Variants in DAPK3 observed in about 807,000 individuals in gnomAD.
DAPK3 encodes death-associated protein kinase 3.
DAPK3 carries 24 observed loss-of-function variants against 30.6 expected under a neutral mutation model. That is an observed-to-expected ratio of 0.78 (90% CI 0.57 to 1.10). The LOEUF (loss-of-function observed/expected upper bound fraction) is 1.10, where lower values mean the gene tolerates loss of function less well. Ranked by LOEUF, DAPK3 falls within the 50% of genes least tolerant of loss-of-function variation. The probability of loss-of-function intolerance (pLI) is 0.00; values close to 1 mark genes in which losing one functional copy is unlikely to be tolerated. For missense variants in DAPK3, 629 were observed against 657.3 expected (o/e 0.96, Z 0.47); for synonymous variants, 341 against 284.0 (o/e 1.20, Z -2.02).
Position 3,959,575 on chromosome 19 carries a change from C to A in DAPK3, c.891G>T (p.Leu297=). 1 of 1,583,382 alleles carries A rather than the reference C, an allele frequency of 6.3e-7. No homozygotes were observed. Among genetic ancestry groups the A allele is most frequent in the Non-Finnish European group, 8.5e-7 (1 of 1,173,784 alleles). The change falls in exon 9 of 9, where the codon CTG becomes CTT. Residue 297 remains leucine (L), a synonymous_variant. Transcript: ENST00000545797. ...DSGRKPERRR[L]KTTRLKEYTI... is the part of the protein sequence containing the mutation. ...TGTACTCCTTCAGACGCGTGGTCTTCAGGCGCCGCCGCTCGGGCTTGCGGC... is the reference window on the plus strand; with the variant it reads ...TGTACTCCTTCAGACGCGTGGTCTTAAGGCGCCGCCGCTCGGGCTTGCGGC...
rs1467306740 is a variant in DAPK3 at position 3,964,741 on chromosome 19, G to A, written c.313C>T (p.Leu105=). Residue 105 remains leucine (L), a synonymous_variant, in exon 3 of 9, where the codon CTG becomes TTG. Coordinates refer to ENST00000545797, the MANE Select transcript of DAPK3 (RefSeq NM_001348.3). ...TCCGTCAGCGACTCCTTCTCCGCCAGGAAGTCAAAGAGCTCCCCGCCAGAG... is the reference window on the plus strand; with the variant it reads ...TCCGTCAGCGACTCCTTCTCCGCCAAGAAGTCAAAGAGCTCCCCGCCAGAG... ...LVSGGELFDF[L]AEKESLTEDE... is the part of the protein sequence containing the mutation. 1.2e-6 allele frequency: 2 copies of A among 1,612,768 alleles called. No homozygotes were observed. The highest frequency in any genetic ancestry group is 2.7e-5 in the African/African-American group (2 of 74,664).
At position 3,969,137 on chromosome 19, in the gene DAPK3, A is replaced by AT. The variant is rs879921986; in HGVS notation, c.62+536dup. Among the ~76,000 whole-genome samples, 237 of 146,220 alleles carry AT rather than the reference A, an allele frequency of 1.6e-3. 1 individual carries two copies. Among genetic ancestry groups the AT allele is most frequent in the East Asian group, 0.011 (57 of 5,014 alleles). On this transcript the variant is annotated intron_variant, in intron 2 of 8. Coordinates refer to ENST00000545797, the MANE Select transcript of DAPK3 (RefSeq NM_001348.3). ...CACAAAAGAGGATTAACACAGGGAG[A>AT]TTTTTTTTTTTTTAAATAAATGGGG...
In DAPK3 at chr19:3,964,799, G is replaced by A. The variant is rs1166043626; in HGVS notation, c.255C>T (p.Asn85=). 1 of 1,611,974 alleles carries A rather than the reference G, an allele frequency of 6.2e-7. No homozygotes were observed. The highest frequency in any genetic ancestry group is 8.5e-7 in the Non-Finnish European group (1 of 1,178,390). ...CCAGGATGAGGACCACGTCCGTCTT[G>A]TTCTCGAAGATGTCGTGCAGGGTGA... ...NIITLHDIFE[N]KTDVVLILEL... The change falls in exon 3 of 9, where the codon AAC becomes AAT. Residue 85 remains asparagine (N), a synonymous_variant. Transcript: ENST00000545797.
chr19:3,959,727 C>G, intron 8 of DAPK3, 90 bp from the exon 9 acceptor site: 1 of 1,375,532 alleles, frequency 7.3e-7, no homozygotes, highest in Non-Finnish European at 9.6e-7. Flanking sequence ...GGTTCAGGGG[C>G]TCATCCGGCA....
At chr19:3,968,875 C>T (rs1402451366) in intron 2 of DAPK3, among the ~76,000 whole-genome samples, 2 of 152,142 alleles carry the variant, frequency 1.3e-5, no homozygotes, top group African/African-American at 4.8e-5. Context: ...GGAGGCTCTA[C>T]AAAAGGAGGC....
intron 2 of DAPK3, among the ~76,000 whole-genome samples, chr19:3,969,134 G>T (rs766408018): frequency 4.6e-5 from 7 of 152,178 alleles, no homozygotes; most frequent in African/African-American, 1.7e-4. Context: ...TTAACACAGG[G>T]AGATTTTTTT....
chr19:3,965,974 A>G (rs2039573876), intron 2 of DAPK3, among the ~76,000 whole-genome samples: 1 of 152,106 alleles, frequency 6.6e-6, no homozygotes, highest in Non-Finnish European at 1.5e-5. Flanking sequence ...TTGTAGAGAC[A>G]GGGTCTTGCC....
chr19:3,959,148 C>T lies in DAPK3; in HGVS notation c.1318G>A (p.Ala440Thr), dbSNP rs746569597. Residue 440 changes from alanine (A) to threonine (T), a missense_variant, in exon 9 of 9, where the codon GCC becomes ACC. Ala to Thr is a moderately conservative substitution (Grantham distance 58, BLOSUM62 0). Transcript: ENST00000545797. The part of the protein sequence containing the change: ...EMRFVQDLVR[A>T]LEQEKLQGVE... ...CCCTGCAGCTTCTCCTGCTCCAGGG[C>T]GCGCACGAGGTCCTGCACGAAGCGC... The T allele has an allele frequency of 3.2e-6, 5 of 1,584,180 alleles. No individual in the cohort carries two copies. The highest frequency in any genetic ancestry group is 3.4e-5 in the Admixed American group (2 of 58,368).
chr19:3,965,100 C>A lies in DAPK3; in HGVS notation c.63-109G>T, dbSNP rs576279689. 1.4e-5 allele frequency: 9 copies of A among 649,722 alleles called. No homozygotes were observed. In the African/African-American group the frequency reaches 1.6e-4, roughly 12 times the overall value. The allele number at this position is 649,722 out of a possible 1,614,324, so 40.2% of individuals were successfully genotyped here. A position where few individuals can be genotyped will look rare whatever the true frequency, so the allele number is the denominator to read the frequency against. ...GCTCCTCTTGGGCGCGGCCCTGCACCAGGCACTTGAAGGACATGAGCTGGC... is the reference window on the plus strand; with the variant it reads ...GCTCCTCTTGGGCGCGGCCCTGCACAAGGCACTTGAAGGACATGAGCTGGC... On this transcript the variant is annotated intron_variant, in intron 2 of 8. Coordinates refer to ENST00000545797, the MANE Select transcript of DAPK3 (RefSeq NM_001348.3).
Position 3,964,707 on chromosome 19 carries a change from G to A in DAPK3, c.347C>T (p.Ala116Val). 6.2e-7 allele frequency: 1 copy of A among 1,612,322 alleles called. No homozygotes were observed. Among genetic ancestry groups the A allele is most frequent in the Non-Finnish European group, 8.5e-7 (1 of 1,179,272 alleles). The stretch of plus-strand genomic sequence containing the variant: ...CAGGATCTGCTTGAGGAACTGGGTG[G>A]CCTCGTCCTCCGTCAGCGACTCCTT... ...AEKESLTEDE[A>V]TQFLKQILDG... The change falls in exon 3 of 9, where the codon GCC becomes GTC. Residue 116 changes from alanine (A) to valine (V), a missense_variant. Physicochemically the swap from Ala to Val is moderately conservative, Grantham distance 64. Coordinates refer to ENST00000545797, the MANE Select transcript of DAPK3 (RefSeq NM_001348.3).
At position 3,961,178 on chromosome 19, in the gene DAPK3, G is replaced by C; in HGVS notation, c.630-17C>G. The C allele has an allele frequency of 6.2e-7, 1 of 1,603,998 alleles. No homozygotes were observed. On this transcript the variant is annotated splice_polypyrimidine_tract_variant and intron_variant, in intron 6 of 8. Coordinates refer to ENST00000545797, the MANE Select transcript of DAPK3 (RefSeq NM_001348.3). The stretch of plus-strand genomic sequence containing the variant: ...CCGCTCAGGCTGCGAGACAGGCGTG[G>C]GGGCTCAGTGGGGTCCTGGGCTCCC...
intron 6 of DAPK3, 62 bp downstream of exon 6, chr19:3,963,581 C>A: frequency 8.9e-7 from 1 of 1,117,992 alleles, no homozygotes. Context: ...ATGAGACACA[C>A]GGAGCCGGGG....
chr19:3,964,302 C>T lies in DAPK3; in HGVS notation c.495G>A (p.Ala165=), dbSNP rs777773890. The stretch of plus-strand genomic sequence containing the variant: ...ACTCGTTCCCCGCCTCGATCTTGTG[C>T]GCGATGCCGAAGTCGATGAGCTTGA... ...PRIKLIDFGI[A]HKIEAGNEFK... is the part of the protein sequence containing the mutation. Residue 165 remains alanine, a synonymous_variant, in exon 4 of 9, where the codon GCG becomes GCA. Transcript: ENST00000545797. The T allele has an allele frequency of 1.2e-5, 20 of 1,613,276 alleles. No individual in the cohort carries two copies. The highest frequency in any genetic ancestry group is 1.6e-5 in the Non-Finnish European group (19 of 1,179,258).
In DAPK3 at chr19:3,964,338, G is replaced by T; in HGVS notation, c.459C>A (p.Pro153=). Residue 153 remains proline (P), a synonymous_variant, in exon 4 of 9, where the codon CCC becomes CCA. Coordinates refer to ENST00000545797, the MANE Select transcript of DAPK3 (RefSeq NM_001348.3). ...AGTCGATGAGCTTGATTCGTGGGTTGGGCACGTTCTTGTCCAGCAGCATGA... is the reference window on the plus strand; with the variant it reads ...AGTCGATGAGCTTGATTCGTGGGTTTGGCACGTTCTTGTCCAGCAGCATGA... ...ENIMLLDKNV[P]NPRIKLIDFG... 1.2e-6 allele frequency: 2 copies of T among 1,613,150 alleles called. No homozygotes were observed. The highest frequency in any genetic ancestry group is 1.7e-6 in the Non-Finnish European group (2 of 1,179,146).
chr19:3,964,768 C>T lies in DAPK3; in HGVS notation c.286G>A (p.Val96Ile), dbSNP rs142199588. The T allele has an allele frequency of 6.2e-7, 1 of 1,612,458 alleles. No homozygotes were observed. Among genetic ancestry groups the T allele is most frequent in the Non-Finnish European group, 8.5e-7 (1 of 1,178,892 alleles). ...AAGTCAAAGAGCTCCCCGCCAGAGA[C>T]CAGCTCCAGGATGAGGACCACGTCC... Reference protein sequence around the residue: ...KTDVVLILELVSGGELFDFLA... With the variant: ...KTDVVLILELISGGELFDFLA... Residue 96 changes from valine (V) to isoleucine (I), a missense_variant, in exon 3 of 9, where the codon GTC becomes ATC. This residue lies in a region of DAPK3 where 306 missense variants were observed against 378.5 expected (regional missense o/e 0.81). Transcript: ENST00000545797.
At chr19:3,969,647 G>A (rs758198625) in intron 2 of DAPK3, 27 bp downstream of exon 2, 2 of 1,514,120 alleles carry the variant, frequency 1.3e-6, no homozygotes, top group African/African-American at 1.4e-5. Context: ...TATCCCTGGA[G>A]CCCAGCCGTG....
At position 3,965,010 on chromosome 19, in the gene DAPK3, G is replaced by A. The variant is rs1289031743; in HGVS notation, c.63-19C>T. 5 of 1,460,736 alleles carry A rather than the reference G, an allele frequency of 3.4e-6. No individual in the cohort carries two copies. In the Admixed American group the frequency reaches 5.1e-5, roughly 15 times the overall value. 90.5% of individuals were successfully genotyped at this position (1,460,736 alleles called of 1,614,324 possible). A position where few individuals can be genotyped will look rare whatever the true frequency, so the allele number is the denominator to read the frequency against. ...CTGGCCGCTGGAGGAGGGGGAGGGA[G>A]TGAGTGGGGGTGGAGGAGGCGGAGG... On this transcript the variant is annotated intron_variant, in intron 2 of 8. Transcript: ENST00000545797.
At position 3,959,195 on chromosome 19, in the gene DAPK3, G is replaced by T; in HGVS notation, c.1271C>A (p.Ala424Asp). The change falls in exon 9 of 9, where the codon GCC becomes GAC. Residue 424 changes from alanine (A) to aspartate (D), a missense_variant. Ala to Asp is a moderately radical substitution (Grantham distance 126). Coordinates refer to ENST00000545797, the MANE Select transcript of DAPK3 (RefSeq NM_001348.3). ...SRLENRYEALAKQVASEMRFV... is the reference protein window; with the variant it reads ...SRLENRYEALDKQVASEMRFV... Reference sequence around the variant, plus strand: ...GCGCATCTCGGAGGCTACTTGCTTGGCCAGCGCCTCGTAGCGGTTCTCCAG... The same window carrying T: ...GCGCATCTCGGAGGCTACTTGCTTGTCCAGCGCCTCGTAGCGGTTCTCCAG... 6.3e-7 allele frequency: 1 copy of T among 1,599,160 alleles called. No homozygotes were observed. The highest frequency in any genetic ancestry group is 8.5e-7 in the Non-Finnish European group (1 of 1,177,274).
chr19:3,959,961 T>A, intron 8 of DAPK3, 98 bp downstream of exon 8: 1 of 803,994 alleles, frequency 1.2e-6, no homozygotes, highest in Non-Finnish European at 2.2e-6. Context: ...CACTGGGGGT[T>A]GTCACATCCA....
Sources: allele counts gnomAD v4.1 joint callset (sites outside exome capture counted in the v4.1 genomes callset), GRCh38; gene constraint gnomAD v4.1.1; regional missense constraint gnomAD v4.1.1; transcripts MANE v1.5; gene names NCBI Gene and HGNC (gene_info 2026-07-23, HGNC 2026-07-21).